HIPK3: variants seen among roughly 807,000 people sequenced by gnomAD.
HIPK3 encodes homeodomain-interacting protein kinase 3.
Under a neutral mutation model 124.2 loss-of-function variants are expected in HIPK3, and 47 were observed. That is an observed-to-expected ratio of 0.38 (90% CI 0.30 to 0.48). HIPK3 has a LOEUF of 0.48. HIPK3 is among the 20% of genes least tolerant of loss of function. The pLI is 0.98. For missense variants in HIPK3, 1,286 were observed against 1,454.3 expected (o/e 0.88, Z 1.88); for synonymous variants, 482 against 515.2 (o/e 0.94, Z 0.87).
chr11:33,341,824 G>A, intron 8 of HIPK3, 138 bp downstream of exon 8: 1 of 756,980 alleles, frequency 1.3e-6, no homozygotes, highest in Non-Finnish European at 2.0e-6. Context: ...TTCAGGCCAA[G>A]TGTGGTGTTT....
intron 1 of HIPK3, among the ~76,000 whole-genome samples, chr11:33,284,518 G>T (rs1851496402): frequency 1.3e-5 from 2 of 152,136 alleles, no homozygotes; most frequent in Admixed American, 1.3e-4. Flanking sequence ...GTGAGTCTGG[G>T]TGCAGTGGCT....
At chr11:33,270,144 A>G (rs976848498) in intron 1 of HIPK3, among the ~76,000 whole-genome samples, 1 of 151,670 alleles carries the variant, frequency 6.6e-6, no homozygotes, top group Non-Finnish European at 1.5e-5. Flanking sequence ...CGCCTGGCTA[A>G]TTTTTTGTAT....
chr11:33,272,113 C>T (rs115475612), intron 1 of HIPK3, among the ~76,000 whole-genome samples: 366 of 152,146 alleles, frequency 2.4e-3, no homozygotes, highest in African/African-American at 7.9e-3. Flanking sequence ...AATTCAATGT[C>T]GTGGCCGGGT....
At chr11:33,264,790 A>G (rs1459155888) in intron 1 of HIPK3, among the ~76,000 whole-genome samples, 1 of 152,200 alleles carries the variant, frequency 6.6e-6, no homozygotes, top group Non-Finnish European at 1.5e-5. Flanking sequence ...AAAATAGTGA[A>G]CTTGAAAACA....
At chr11:33,282,012 G>T (rs1385015646) in intron 1 of HIPK3, among the ~76,000 whole-genome samples, 1 of 152,046 alleles carries the variant, frequency 6.6e-6, no homozygotes, top group East Asian at 1.9e-4. Context: ...GTATATGTAT[G>T]GTGTACTGTT....
chr11:33,312,700 T>C (rs867856178), intron 2 of HIPK3, among the ~76,000 whole-genome samples: 2 of 152,256 alleles, frequency 1.3e-5, no homozygotes, highest in Non-Finnish European at 2.9e-5. Flanking sequence ...GTTTACAATT[T>C]AAATCTTAAG....
chr11:33,342,387 G>C (rs1565095789), intron 8 of HIPK3, among the ~76,000 whole-genome samples: 3 of 152,078 alleles, frequency 2.0e-5, no homozygotes, highest in Admixed American at 2.0e-4. Flanking sequence ...GGTCAAAAGA[G>C]TTTTGTCCCA....
intron 1 of HIPK3, among the ~76,000 whole-genome samples, chr11:33,282,809 G>C (rs938984995): frequency 6.6e-6 from 1 of 152,090 alleles, no homozygotes; most frequent in Admixed American, 6.5e-5. Flanking sequence ...GTAGTGGTTC[G>C]AACCTATAGT....
intron 2 of HIPK3, among the ~76,000 whole-genome samples, chr11:33,312,135 C>T (rs903596230): frequency 6.6e-6 from 1 of 152,206 alleles, no homozygotes; most frequent in African/African-American, 2.4e-5. Flanking sequence ...GCTCCAACTA[C>T]AGATGTGCAC....
intron 1 of HIPK3, among the ~76,000 whole-genome samples, chr11:33,265,871 G>A (rs1850944621): frequency 2.0e-5 from 3 of 150,798 alleles, no homozygotes; most frequent in Admixed American, 6.6e-5. Flanking sequence ...GGGTCATGAG[G>A]TCAGGAGGTC....
rs1460077082 is a variant in HIPK3 at position 33,257,383 on chromosome 11, T to TGGCAGCTGCCTCAGTGACGACTGCC, written c.-504_-480dup. On this transcript the variant is annotated 5_prime_UTR_variant, in exon 1 of 17. Coordinates refer to ENST00000303296, the MANE Select transcript of HIPK3 (RefSeq NM_005734.5). Reference sequence around the variant, plus strand: ...AGGGGCCCGAGGCTGGGGCGGCTGGTGGCAGCTGCCTCAGTGACGACTGCC... The same window carrying TGGCAGCTGCCTCAGTGACGACTGCC: ...AGGGGCCCGAGGCTGGGGCGGCTGGTGGCAGCTGCCTCAGTGACGACTGCCGGCAGCTGCCTCAGTGACGACTGCC... 1.0e-6 allele frequency: 1 copy of TGGCAGCTGCCTCAGTGACGACTGCC among 984,860 alleles called. No homozygotes were observed. Among genetic ancestry groups the TGGCAGCTGCCTCAGTGACGACTGCC allele is most frequent in the East Asian group, 1.1e-4 (1 of 8,766 alleles). 61.0% of individuals were successfully genotyped at this position (984,860 alleles called of 1,614,324 possible). A position where few individuals can be genotyped will look rare whatever the true frequency, so the allele number is the denominator to read the frequency against.
chr11:33,297,168 A>G (rs1345883167), intron 2 of HIPK3, among the ~76,000 whole-genome samples: 2 of 146,422 alleles, frequency 1.4e-5, no homozygotes, highest in Non-Finnish European at 3.0e-5. Context: ...ATCTTGGCTC[A>G]CTGCAACCTC....
upstream of HIPK3, chr11:33,256,767 C>A: frequency 7.4e-6 from 7 of 951,636 alleles, no homozygotes; most frequent in Non-Finnish European, 8.7e-6. Context: ...GCGAACTTCA[C>A]AATTATGGGG....
upstream of HIPK3, chr11:33,257,220 G>C (rs981927727): frequency 3.0e-6 from 3 of 984,116 alleles, no homozygotes; most frequent in Non-Finnish European, 3.6e-6. Flanking sequence ...GCTGCGGACT[G>C]GCGGGCGGAC....
chr11:33,341,816 C>G (rs927799820), intron 8 of HIPK3, 130 bp downstream of exon 8: 5 of 821,586 alleles, frequency 6.1e-6, no homozygotes, highest in East Asian at 3.1e-5. Context: ...TTAAGCTGTT[C>G]AGGCCAAGTG....
chr11:33,349,157 A>G lies in HIPK3; in HGVS notation c.2677A>G (p.Ser893Gly), dbSNP rs1425695155. The G allele has an allele frequency of 6.2e-7, 1 of 1,613,644 alleles. No homozygotes were observed. The highest frequency in any genetic ancestry group is 2.2e-5 in the East Asian group (1 of 44,888). The change falls in exon 14 of 17, where the codon AGT becomes GGT. Residue 893 changes from serine (S) to glycine (G), a missense_variant. By Grantham distance (56) the Ser-to-Gly change is moderately conservative. Around this residue, in one of 3 missense-constraint regions of HIPK3, gnomAD observed 810 missense variants for 864.9 expected, o/e 0.94. Coordinates refer to ENST00000303296, the MANE Select transcript of HIPK3 (RefSeq NM_005734.5). ...TTTCTCTTCCACTAGATGTAAAGGT[A>G]GTCTAGATTGTGAAGCTTGCCAGAG... is the stretch of plus-strand genomic sequence containing the variant. ...QRHSLRECKG[S>G]LDCEACQSTL...
chr11:33,329,019 A>G (rs962452675), intron 3 of HIPK3, among the ~76,000 whole-genome samples: 5 of 152,180 alleles, frequency 3.3e-5, no homozygotes, highest in African/African-American at 9.6e-5. Flanking sequence ...TCTTAAACCA[A>G]CTGCCATTAT....
At position 33,351,752 on chromosome 11, in the gene HIPK3, C is replaced by G; in HGVS notation, c.2952C>G (p.Asp984Glu). The part of the protein sequence containing the change: ...HENTELVSSA[D>E]TETKPAVCSV... ...ACACAGAATTGGTATCCTCTGCTGA[C>G]ACAGAAACCAAGCCAGCTGTCTGTT... The change falls in exon 15 of 17, where the codon GAC becomes GAG. Residue 984 changes from aspartate (D) to glutamate (E), a missense_variant. Around this residue, in one of 3 missense-constraint regions of HIPK3, gnomAD observed 810 missense variants for 864.9 expected, o/e 0.94. Coordinates refer to ENST00000303296, the MANE Select transcript of HIPK3 (RefSeq NM_005734.5). 6.2e-7 allele frequency: 1 copy of G among 1,614,178 alleles called. No individual in the cohort carries two copies. Among genetic ancestry groups the G allele is most frequent in the Non-Finnish European group, 8.5e-7 (1 of 1,180,030 alleles).
At chr11:33,272,910 C>T (rs1207086784) in intron 1 of HIPK3, among the ~76,000 whole-genome samples, 1 of 149,946 alleles carries the variant, frequency 6.7e-6, no homozygotes, top group African/African-American at 2.5e-5. Flanking sequence ...CAGTGGTAGG[C>T]ACTATCACAG....
Sources: allele counts gnomAD v4.1 joint callset (sites outside exome capture counted in the v4.1 genomes callset), GRCh38; gene constraint gnomAD v4.1.1; regional missense constraint gnomAD v4.1.1; transcripts MANE v1.5; gene names NCBI Gene and HGNC (gene_info 2026-07-23, HGNC 2026-07-21).